Variants in THOC1 observed in about 807,000 individuals in gnomAD.
THOC1 encodes the protein THO complex subunit 1, also known as THO complex 1.
A neutral mutation model predicts 97.3 loss-of-function variants in THOC1; 29 were observed. The observed-to-expected ratio is 0.30, with a 90% CI of 0.22 to 0.41. The LOEUF (loss-of-function observed/expected upper bound fraction) is 0.41. THOC1 is among the 10% of genes least tolerant of loss of function. THOC1 has a pLI of 1.00. For missense variants in THOC1, 529 were observed against 761.9 expected, an observed-to-expected ratio of 0.69 and a Z score of 3.60; for synonymous variants, 255 against 257.0, an observed-to-expected ratio of 0.99 and a Z score of 0.07.
At chr18:235,157 A>G (rs1240619322) in intron 11 of THOC1, among the ~76,000 whole-genome samples, 1 of 150,330 alleles carries the variant, frequency 6.7e-6, no homozygotes. Context: ...ATTAGGCTTC[A>G]AAATTTATTC....
chr18:263,300 C>T lies in THOC1; in HGVS notation c.256+726G>A, dbSNP rs533739191. ...TTCATCGTGTTAGCCAGGATGGTCT[C>T]GATCTCCTGACCTCATGATCCGCCC... On this transcript the variant is annotated intron_variant, in intron 4 of 20. Coordinates refer to ENST00000261600, the MANE Select transcript of THOC1 (RefSeq NM_005131.3). Among the ~76,000 whole-genome samples the T allele has an allele frequency of 5.3e-5, 8 of 151,976 alleles. No individual in the cohort carries two copies. In the East Asian group the frequency reaches 1.2e-3, roughly 22 times the overall value.
At chr18:224,578 CAAAAAA>C (rs11339735) in intron 15 of THOC1, among the ~76,000 whole-genome samples, 1 of 125,938 alleles carries the variant, frequency 7.9e-6, no homozygotes, top group Non-Finnish European at 1.7e-5. Context: ...GACTCCCTCT[CAAAAAA>C]AAAAAAAAAA....
At chr18:265,262 A>C in intron 3 of THOC1, 41 bp downstream of exon 3, 1 of 1,484,354 alleles carries the variant, frequency 6.7e-7, no homozygotes, top group Non-Finnish European at 9.1e-7. Flanking sequence ...ATGGTTTATT[A>C]ATTTGTCAGT....
intron 11 of THOC1, among the ~76,000 whole-genome samples, chr18:237,244 C>T (rs1911739864): frequency 6.7e-6 from 1 of 150,006 alleles, no homozygotes; most frequent in Non-Finnish European, 1.5e-5. Flanking sequence ...ACTACAACCT[C>T]TGCCTCCCGG....
At chr18:239,806 A>G (rs1048791939) in intron 11 of THOC1, among the ~76,000 whole-genome samples, 1 of 152,232 alleles carries the variant, frequency 6.6e-6, no homozygotes, top group Non-Finnish European at 1.5e-5. Context: ...GAAAACTAAT[A>G]AACACTTGTA....
chr18:248,045 G>A lies in THOC1; in HGVS notation c.678-88C>T, dbSNP rs1012831778. ...CTTAACTTAGCTTTGGTCACAAACC[G>A]TTTTCAGAAGCTAATGAAAGTTATC... is the stretch of plus-strand genomic sequence containing the variant. On this transcript the variant is annotated intron_variant, in intron 9 of 20. Transcript: ENST00000261600. The A allele has an allele frequency of 2.3e-5, 19 of 827,018 alleles. No individual in the cohort carries two copies. The Admixed American group carries it at 2.5e-4, about 11-fold the overall frequency. The allele number at this position is 827,018 out of a possible 1,614,324, so 51.2% of individuals were successfully genotyped here.
chr18:216,421 T>C, intron 19 of THOC1, 65 bp downstream of exon 19: 12 of 1,552,344 alleles, frequency 7.7e-6, no homozygotes, highest in Non-Finnish European at 1.0e-5. Flanking sequence ...TTTGCTCACA[T>C]AGTGACAGCA....
At chr18:229,457 G>A (rs532035904) in intron 11 of THOC1, among the ~76,000 whole-genome samples, 1 of 152,092 alleles carries the variant, frequency 6.6e-6, no homozygotes, top group East Asian at 1.9e-4. Context: ...TGAGGCGGGC[G>A]GATCACAAGA....
At chr18:250,062 T>C (rs993982177) in intron 9 of THOC1, among the ~76,000 whole-genome samples, 18 of 152,328 alleles carry the variant, frequency 1.2e-4, no homozygotes, top group African/African-American at 3.8e-4. Context: ...CTAATTACCA[T>C]CTCCTACCTG....
At chr18:221,360 T>C (rs1169179573) in intron 17 of THOC1, among the ~76,000 whole-genome samples, 2 of 152,180 alleles carry the variant, frequency 1.3e-5, no homozygotes, top group East Asian at 3.9e-4. Flanking sequence ...ATTCTAATTT[T>C]GTCAAATTTT....
intron 10 of THOC1, among the ~76,000 whole-genome samples, 164 bp from the exon 11 acceptor site, chr18:246,619 A>C (rs1912096568): frequency 6.6e-6 from 1 of 152,190 alleles, no homozygotes; most frequent in African/African-American, 2.4e-5. Flanking sequence ...ATGGGAGTTA[A>C]AACTATTTTG....
At chr18:229,928 C>T (rs182343739) in intron 11 of THOC1, among the ~76,000 whole-genome samples, 2 of 152,214 alleles carry the variant, frequency 1.3e-5, no homozygotes, top group Middle Eastern at 3.4e-3. Context: ...CTACACTCTC[C>T]CCTTTAGCTC....
intron 12 of THOC1, chr18:226,084 A>G (rs1158528583): frequency 6.6e-6 from 1 of 152,332 alleles, no homozygotes; most frequent in East Asian, 1.9e-4. Flanking sequence ...AAACCTCCAA[A>G]ATAGATAGAA....
intron 11 of THOC1, among the ~76,000 whole-genome samples, chr18:234,620 A>G (rs2143204932): frequency 6.6e-6 from 1 of 152,212 alleles, no homozygotes; most frequent in African/African-American, 2.4e-5. Context: ...GGGCTCAAGC[A>G]ATCCTCCGGC....
At chr18:261,904 TGGGTTA>T (rs1167698771) in intron 4 of THOC1, among the ~76,000 whole-genome samples, 1 of 152,142 alleles carries the variant, frequency 6.6e-6, no homozygotes, top group Non-Finnish European at 1.5e-5. Context: ...TGGGAACCAT[TGGGTTA>T]TAGTGTGATT....
intron 11 of THOC1, among the ~76,000 whole-genome samples, chr18:233,338 G>C (rs1911557566): frequency 6.6e-6 from 1 of 152,182 alleles, no homozygotes; most frequent in Non-Finnish European, 1.5e-5. Flanking sequence ...TGTAATCCCA[G>C]CACTTTGGGA....
intron 3 of THOC1, chr18:264,921 GA>G: frequency 6.1e-6 from 1 of 163,208 alleles, no homozygotes; most frequent in Non-Finnish European, 1.3e-5. Context: ...GATGCCAGAG[GA>G]AAATGAGGGA....
chr18:262,842 T>C (rs1598307917), intron 4 of THOC1, among the ~76,000 whole-genome samples: 2 of 146,818 alleles, frequency 1.4e-5, no homozygotes, highest in Non-Finnish European at 3.0e-5. Context: ...TTTTCACATA[T>C]ATTATTTGAA....
intron 9 of THOC1, among the ~76,000 whole-genome samples, chr18:250,595 G>A (rs373540690): frequency 1.3e-5 from 2 of 152,182 alleles, no homozygotes; most frequent in African/African-American, 4.8e-5. Flanking sequence ...GTTTACTGGT[G>A]TATTTGAGCC....
Sources: gnomAD v4.1 joint callset for allele counts (sites outside exome capture counted in the v4.1 genomes callset) on GRCh38, gnomAD v4.1.1 for gene constraint, MANE v1.5 for transcripts, NCBI Gene and HGNC (gene_info 2026-07-23, HGNC 2026-07-21) for gene names.